DNM2: variants seen among roughly 807,000 people sequenced by gnomAD.
The protein encoded by DNM2 is dynamin 2.
A neutral mutation model predicts 99.0 loss-of-function variants in DNM2; 15 were observed. The ratio of observed to expected loss-of-function variants is 0.15; its 90% CI spans 0.10 to 0.23. The LOEUF (loss-of-function observed/expected upper bound fraction) is 0.23. DNM2 is among the 10% of genes least tolerant of loss of function. DNM2 has a pLI of 1.00. For synonymous variants in DNM2, 525 were observed against 481.2 expected, an observed-to-expected ratio of 1.09 and a Z score of -1.19; for missense variants, 742 against 1,189.4, an observed-to-expected ratio of 0.62 and a Z score of 5.53.
At chr19:10,793,082 C>A (rs893823433) in intron 7 of DNM2, among the ~76,000 whole-genome samples, 4 of 152,138 alleles carry the variant, frequency 2.6e-5, no homozygotes, top group Admixed American at 2.0e-4. Flanking sequence ...GGTGTCTTTG[C>A]AGAATTACCA....
intron 12 of DNM2, 45 bp from the exon 13 acceptor site, chr19:10,805,871 C>A (rs367667133): frequency 3.3e-5 from 54 of 1,613,744 alleles, no homozygotes; most frequent in Middle Eastern, 3.3e-4. Flanking sequence ...CTTCTTCCCC[C>A]CCGGCATCTT....
chr19:10,827,055 G>C (rs914623584), intron 18 of DNM2, among the ~76,000 whole-genome samples: 2 of 152,002 alleles, frequency 1.3e-5, no homozygotes, highest in Admixed American at 1.3e-4. Flanking sequence ...TTCAAGACCA[G>C]CCTGGACAAC....
intron 1 of DNM2, among the ~76,000 whole-genome samples, chr19:10,722,093 G>A (rs570295000): frequency 6.6e-6 from 1 of 152,164 alleles, no homozygotes; most frequent in Non-Finnish European, 1.5e-5. Context: ...TGCGTGCCGA[G>A]TGCATGTGTC....
intron 12 of DNM2, among the ~76,000 whole-genome samples, chr19:10,805,472 C>T (rs1034534840): frequency 2.0e-5 from 3 of 152,086 alleles, no homozygotes; most frequent in Non-Finnish European, 4.4e-5. Context: ...CTCGTCTCTA[C>T]AAAAAATCAA....
rs2073057242 is a variant in DNM2, at chr19:10,823,772, C to T, written c.1782-16C>T. ...CAGGGTCAAGCTTGTGCCCCTCCTT[C>T]CCCACCCCCCCGCAGAAACGTCTAC... On this transcript the variant is annotated splice_polypyrimidine_tract_variant and intron_variant, in intron 16 of 20. Coordinates refer to ENST00000389253, the MANE Select transcript of DNM2 (RefSeq NM_001005361.3). The T allele has an allele frequency of 6.4e-7, 1 of 1,551,178 alleles. No homozygotes were observed.
intron 1 of DNM2, among the ~76,000 whole-genome samples, chr19:10,722,453 C>A (rs1294575124): frequency 6.6e-6 from 1 of 152,122 alleles, no homozygotes; most frequent in Admixed American, 6.6e-5. Flanking sequence ...TTAGGCATTC[C>A]CGCACCCTAG....
Position 10,772,821 on chromosome 19 carries a change from C to T in DNM2, c.385+193C>T, listed in dbSNP as rs1311236898. Reference sequence around the variant, plus strand: ...GTATGTAGTACCCAGACCTCTGTCTCAGCTTGAAGAAAGAGCATGCCAAGA... The same window carrying T: ...GTATGTAGTACCCAGACCTCTGTCTTAGCTTGAAGAAAGAGCATGCCAAGA... On this transcript the variant is annotated intron_variant, in intron 3 of 20. Transcript: ENST00000389253. This position sits in a 1 kb window ranked among gnomAD's most constrained non-coding sequence, Gnocchi z 4.9. 1.3e-5 allele frequency among the ~76,000 whole-genome samples: 2 copies of T among 152,160 alleles called. No individual in the cohort carries two copies. The highest frequency in any genetic ancestry group is 2.9e-5 in the Non-Finnish European group (2 of 68,044).
chr19:10,718,079 G>A lies in DNM2; in HGVS notation c.-164G>A. On this transcript the variant is annotated 5_prime_UTR_variant, in exon 1 of 21. Coordinates refer to ENST00000389253, the MANE Select transcript of DNM2 (RefSeq NM_001005361.3). ...AGGTCGCTCGGGTCGGGTGTCGCCT[G>A]AGAACCGGATGAGGCGGCGACCGTG... 1.2e-6 allele frequency: 1 copy of A among 852,274 alleles called. No individual in the cohort carries two copies. The allele number at this position is 852,274 out of a possible 1,614,324, so 52.8% of individuals were successfully genotyped here. A position where few individuals can be genotyped will look rare whatever the true frequency, so the allele number is the denominator to read the frequency against.
chr19:10,826,493 C>T (rs951730111), intron 18 of DNM2, among the ~76,000 whole-genome samples: 1 of 152,218 alleles, frequency 6.6e-6, no homozygotes, highest in African/African-American at 2.4e-5. Context: ...CAGTGAAATG[C>T]AGCTGTACTG....
chr19:10,805,789 G>T, intron 12 of DNM2, 127 bp from the exon 13 acceptor site: 4 of 1,123,050 alleles, frequency 3.6e-6, no homozygotes, highest in Non-Finnish European at 5.4e-6. Context: ...TGTGCAGGGG[G>T]CTTCTCTCTG....
chr19:10,798,396 C>T (rs1203544087), intron 10 of DNM2, 90 bp from the exon 11 acceptor site: 2 of 943,696 alleles, frequency 2.1e-6, no homozygotes, highest in African/African-American at 1.6e-5. Flanking sequence ...TCATTCCCCA[C>T]CCCCCTCCGC....
At chr19:10,805,805 A>T in intron 12 of DNM2, 111 bp from the exon 13 acceptor site, 3 of 1,365,774 alleles carry the variant, frequency 2.2e-6, no homozygotes, top group Non-Finnish European at 3.1e-6. Flanking sequence ...CTCTGCCTCT[A>T]CCTGTGGCTG....
At chr19:10,783,667 CTTT>C (rs1316296838) in intron 6 of DNM2, among the ~76,000 whole-genome samples, 1 of 148,090 alleles carries the variant, frequency 6.8e-6, no homozygotes, top group Non-Finnish European at 1.5e-5. Context: ...GTTAATAACT[CTTT>C]TTTATTTATT....
intron 2 of DNM2, among the ~76,000 whole-genome samples, chr19:10,761,007 T>TGAGACAAAGTCTTGCTC (rs1416274907): frequency 6.6e-6 from 1 of 151,838 alleles, no homozygotes; most frequent in East Asian, 1.9e-4. Flanking sequence ...ATTTATTTTT[T>TGAGACAAAGTCTTGCTC]GAGACAAAGT....
At chr19:10,733,471 G>A (rs1043187891) in intron 1 of DNM2, among the ~76,000 whole-genome samples, 2 of 151,952 alleles carry the variant, frequency 1.3e-5, no homozygotes, top group African/African-American at 4.8e-5. Flanking sequence ...GGGATTGTAA[G>A]CATGAGCCAC....
chr19:10,776,560 C>T (rs2071162476), intron 4 of DNM2, among the ~76,000 whole-genome samples: 1 of 152,194 alleles, frequency 6.6e-6, no homozygotes, highest in South Asian at 2.1e-4. Context: ...ACGGTTAGCA[C>T]AGAGCCAGGC....
At chr19:10,735,009 C>T (rs773126437) in intron 1 of DNM2, among the ~76,000 whole-genome samples, 9 of 151,236 alleles carry the variant, frequency 6.0e-5, no homozygotes, top group Non-Finnish European at 1.3e-4. Flanking sequence ...GTGAGGTGCC[C>T]CTCTCTTCTG....
At position 10,777,228 on chromosome 19, in the gene DNM2, G is replaced by T. The variant is rs557057188; in HGVS notation, c.688+12G>T. 1.5e-5 allele frequency: 25 copies of T among 1,613,832 alleles called. No individual in the cohort carries two copies. Among genetic ancestry groups the T allele is most frequent in the Admixed American group, 1.3e-4 (8 of 59,994 alleles). ...CCCGTTGAGAAGAGGTGTGGCTTTG[G>T]GGGTGCTGGGGAAGCAGGAGGATGG... On this transcript the variant is annotated intron_variant, in intron 5 of 20. Coordinates refer to ENST00000389253, the MANE Select transcript of DNM2 (RefSeq NM_001005361.3).
chr19:10,806,170 G>A (rs2072330584), intron 13 of DNM2, among the ~76,000 whole-genome samples: 1 of 152,214 alleles, frequency 6.6e-6, no homozygotes. Context: ...GCAGGGCCTA[G>A]TGGGCACATT....
Sources: allele counts gnomAD v4.1 joint callset (sites outside exome capture counted in the v4.1 genomes callset), GRCh38; gene constraint gnomAD v4.1.1; non-coding constraint Gnocchi (gnomAD v3.1); transcripts MANE v1.5; gene names NCBI Gene and HGNC (gene_info 2026-07-23, HGNC 2026-07-21).